Variants in GPX3 observed in about 807,000 individuals in gnomAD.
GPX3 encodes the protein glutathione peroxidase 3, also known as GPx-3.
Under a neutral mutation model 25.1 loss-of-function variants are expected in GPX3, and 22 were observed. The observed-to-expected ratio is 0.88, with a 90% CI of 0.63 to 1.25. GPX3 has a LOEUF of 1.25. GPX3 is among the 50% of genes most tolerant of loss of function. GPX3 has a pLI of 0.00. For synonymous variants in GPX3, 110 were observed against 114.5 expected (o/e 0.96, Z 0.25); for missense variants, 278 against 286.6 (o/e 0.97, Z 0.22).
chr5:151,025,429 T>G lies in GPX3; in HGVS notation c.177T>G (p.Tyr59Ter). 1 of 1,613,166 alleles carries G rather than the reference T, an allele frequency of 6.2e-7. No homozygotes were observed. The highest frequency in any genetic ancestry group is 8.5e-7 in the Non-Finnish European group (1 of 1,179,554). ...AGGAGTACATCCCCTTCAAGCAGTATGCTGGCAAATACGTCCTCTTTGTCA... is the reference window on the plus strand; with the variant it reads ...AGGAGTACATCCCCTTCAAGCAGTAGGCTGGCAAATACGTCCTCTTTGTCA... ...DGEEYIPFKQ[Y>*]AGKYVLFVNV... is the part of the protein sequence containing the mutation. The change falls in exon 2 of 5, where the codon TAT becomes TAG. Residue 59 changes from tyrosine to a stop codon, truncating the protein, a stop_gained. Transcript: ENST00000388825. LOFTEE classifies it high-confidence loss of function.
rs921170460 is a variant in GPX3 at position 151,027,592 on chromosome 5, C to G, written c.459+61C>G. The G allele has an allele frequency of 5.5e-6, 6 of 1,082,964 alleles. No homozygotes were observed. In the South Asian group the frequency reaches 6.6e-5, roughly 12 times the overall value. 67.1% of individuals were successfully genotyped at this position (1,082,964 alleles called of 1,614,324 possible). ...AGCCCCTCCTGGCTCCAGCCCACAGCGTCAGGGCCCATGCCACCTCCCCTG... is the reference window on the plus strand; with the variant it reads ...AGCCCCTCCTGGCTCCAGCCCACAGGGTCAGGGCCCATGCCACCTCCCCTG... On this transcript the variant is annotated intron_variant, in intron 4 of 4. Transcript: ENST00000388825.
At position 151,020,729 on chromosome 5, in the gene GPX3, A is replaced by G; in HGVS notation, c.75A>G (p.Gln25=). 1 of 1,611,730 alleles carries G rather than the reference A, an allele frequency of 6.2e-7. No individual in the cohort carries two copies. Among genetic ancestry groups the G allele is most frequent in the Non-Finnish European group, 8.5e-7 (1 of 1,179,352 alleles). ...GCTTCGTCTCGCAGAGCCGGGGACA[A>G]GAGAAGTCGAAGGTGAGTGAGCCTC... ...LAGFVSQSRG[Q]EKSKMDCHGG... is the part of the protein sequence containing the mutation. Residue 25 remains glutamine (Q), a synonymous_variant, in exon 1 of 5, where the codon CAA becomes CAG. Transcript: ENST00000388825.
rs141323338 is a variant in GPX3, at chr5:151,026,045, C to T, written c.241+552C>T. ...ACACATGGGAAACCAAGACTCAGAG[C>T]GAAGATACAACTTAAACAGGGTCAC... is the stretch of plus-strand genomic sequence containing the variant. On this transcript the variant is annotated intron_variant, in intron 2 of 4. Coordinates refer to ENST00000388825, the MANE Select transcript of GPX3 (RefSeq NM_002084.5). 4.3e-4 allele frequency among the ~76,000 whole-genome samples: 65 copies of T among 152,290 alleles called. No individual in the cohort carries two copies. The East Asian group carries it at 8.5e-3, about 20-fold the overall frequency.
chr5:151,026,971 G>A lies in GPX3; in HGVS notation c.313G>A (p.Gly105Arg), dbSNP rs765841620. ...TCTGGGCTTTCCCTGCAACCAATTT[G>A]GAAAACAGGAACCAGGAGAGAACTC... is the stretch of plus-strand genomic sequence containing the variant. ...VILGFPCNQF[G>R]KQEPGENSEI... Residue 105 changes from glycine (G) to arginine (R), a missense_variant, in exon 3 of 5, where the codon GGA becomes AGA. Physicochemically the swap from Gly to Arg is moderately radical, Grantham distance 125 (BLOSUM62 -2). Transcript: ENST00000388825. 14 of 1,613,882 alleles carry A rather than the reference G, an allele frequency of 8.7e-6. No homozygotes were observed. The highest frequency in any genetic ancestry group is 1.0e-5 in the Non-Finnish European group (12 of 1,179,910).
Position 151,028,749 on chromosome 5 carries a change from T to C in GPX3, c.*619T>C, listed in dbSNP as rs1247873142. The C allele has an allele frequency of 6.5e-6, 1 of 153,304 alleles. No individual in the cohort carries two copies. The highest frequency in any genetic ancestry group is 2.4e-5 in the African/African-American group (1 of 41,316). 9.5% of individuals were successfully genotyped at this position (153,304 alleles called of 1,614,324 possible). The stretch of plus-strand genomic sequence containing the variant: ...CCTCCCTGAGATCAACCAAGGCAGA[T>C]GTGACAGCAAGGGCCACGGACCCCA... On this transcript the variant is annotated 3_prime_UTR_variant, in exon 5 of 5. Transcript: ENST00000388825.
At chr5:151,025,690 TAGG>T (rs764120467) in intron 2 of GPX3, among the ~76,000 whole-genome samples, 197 bp downstream of exon 2, 2 of 152,244 alleles carry the variant, frequency 1.3e-5, no homozygotes, top group Non-Finnish European at 2.9e-5. Context: ...GGACATGTTC[TAGG>T]AGATTCCTAG....
At position 151,027,899 on chromosome 5, in the gene GPX3, C is replaced by T; in HGVS notation, c.460-10C>T. 1 of 1,611,820 alleles carries T rather than the reference C, an allele frequency of 6.2e-7. No individual in the cohort carries two copies. Among genetic ancestry groups the T allele is most frequent in the South Asian group, 1.1e-5 (1 of 91,018 alleles). ...AAGCAAGGTTGACACTCCTCTTATCCCTGCTCTAGAACTCCTGTCCTCCCA... is the reference window on the plus strand; with the variant it reads ...AAGCAAGGTTGACACTCCTCTTATCTCTGCTCTAGAACTCCTGTCCTCCCA... On this transcript the variant is annotated splice_polypyrimidine_tract_variant and intron_variant, in intron 4 of 4. Transcript: ENST00000388825.
Position 151,028,236 on chromosome 5 carries a change from A to G in GPX3, c.*106A>G. 1 of 1,003,030 alleles carries G rather than the reference A, an allele frequency of 1.0e-6. No individual in the cohort carries two copies. The highest frequency in any genetic ancestry group is 1.5e-6 in the Non-Finnish European group (1 of 662,532). 62.1% of individuals were successfully genotyped at this position (1,003,030 alleles called of 1,614,324 possible). Reference sequence around the variant, plus strand: ...TCTACCCATCACAGACCCCTTTCCTATCACTCAAGGCCCCAGCCTGGCACA... The same window carrying G: ...TCTACCCATCACAGACCCCTTTCCTGTCACTCAAGGCCCCAGCCTGGCACA... On this transcript the variant is annotated 3_prime_UTR_variant, in exon 5 of 5. Transcript: ENST00000388825.
rs1481645847 is a variant in GPX3 at position 151,020,692 on chromosome 5, T to C, written c.38T>C (p.Leu13Pro). 2.5e-6 allele frequency: 4 copies of C among 1,611,808 alleles called. 1 individual carries two copies. In the Admixed American group the frequency reaches 5.0e-5, roughly 20 times the overall value. ...RLLQASCLLS[L>P]LLAGFVSQSR... The stretch of plus-strand genomic sequence containing the variant: ...CTGCAGGCGTCCTGCCTGCTTTCCC[T>C]GCTCCTGGCCGGCTTCGTCTCGCAG... Residue 13 changes from leucine to proline, a missense_variant, in exon 1 of 5, where the codon CTG becomes CCG. Physicochemically the swap from Leu to Pro is moderately conservative, Grantham distance 98. Transcript: ENST00000388825.
intron 1 of GPX3, chr5:151,020,963 C>T (rs1375343205): frequency 3.2e-6 from 2 of 615,532 alleles, no homozygotes; most frequent in South Asian, 3.5e-5. Context: ...AGACCTGGTG[C>T]TTCAGGCGGG....
At position 151,020,598 on chromosome 5, in the gene GPX3, C is replaced by CG. The variant is rs1335526753; in HGVS notation, c.-55dup. The CG allele has an allele frequency of 1.4e-6, 2 of 1,455,530 alleles. No homozygotes were observed. Among genetic ancestry groups the CG allele is most frequent in the African/African-American group, 2.8e-5 (2 of 71,456 alleles). 90.2% of individuals were successfully genotyped at this position (1,455,530 alleles called of 1,614,324 possible). A position where few individuals can be genotyped will look rare whatever the true frequency, so the allele number is the denominator to read the frequency against. ...GGGAGCGCCGGACACCTCAGACGGA[C>CG]GGTGGCCAGGGATCAGGCAGCGGCT... On this transcript the variant is annotated 5_prime_UTR_variant, in exon 1 of 5. Transcript: ENST00000388825.
chr5:151,023,123 G>C (rs1175839621), intron 1 of GPX3, among the ~76,000 whole-genome samples: 1 of 152,184 alleles, frequency 6.6e-6, no homozygotes, highest in East Asian at 1.9e-4. Flanking sequence ...TTGCCCGGCT[G>C]TGGGAGGATT....
rs1756606826 is a variant in GPX3, at chr5:151,028,604, A to G, written c.*474A>G. The G allele has an allele frequency of 6.0e-6, 1 of 167,570 alleles. No homozygotes were observed. The highest frequency in any genetic ancestry group is 2.4e-5 in the African/African-American group (1 of 41,700). The allele number at this position is 167,570 out of a possible 1,614,324, so 10.4% of individuals were successfully genotyped here. A position where few individuals can be genotyped will look rare whatever the true frequency, so the allele number is the denominator to read the frequency against. The stretch of plus-strand genomic sequence containing the variant: ...CCACTGCCTCCAAATATTAGTAACT[A>G]TGACTGACGTCCCCAGAAGTTTCTG... On this transcript the variant is annotated 3_prime_UTR_variant, in exon 5 of 5. Coordinates refer to ENST00000388825, the MANE Select transcript of GPX3 (RefSeq NM_002084.5).
chr5:151,025,714 T>G (rs1756538175), intron 2 of GPX3, among the ~76,000 whole-genome samples: 2 of 152,218 alleles, frequency 1.3e-5, no homozygotes, highest in Admixed American at 1.3e-4. Context: ...TTATCCTTCT[T>G]CATCTCTGGG....
rs1756598157 is a variant in GPX3 at position 151,028,419 on chromosome 5, T to C, written c.*289T>C. On this transcript the variant is annotated 3_prime_UTR_variant, in exon 5 of 5. Coordinates refer to ENST00000388825, the MANE Select transcript of GPX3 (RefSeq NM_002084.5). Reference sequence around the variant, plus strand: ...TCTTTCTGGGAATGTGTACCATCTGTGTGCCTGCAGCTGTGTAGTGCTGGA... The same window carrying C: ...TCTTTCTGGGAATGTGTACCATCTGCGTGCCTGCAGCTGTGTAGTGCTGGA... 2.3e-6 allele frequency: 1 copy of C among 439,608 alleles called. No homozygotes were observed. The highest frequency in any genetic ancestry group is 4.3e-6 in the Non-Finnish European group (1 of 234,192). The allele number at this position is 439,608 out of a possible 1,614,324, so 27.2% of individuals were successfully genotyped here. A position where few individuals can be genotyped will look rare whatever the true frequency, so the allele number is the denominator to read the frequency against.
chr5:151,026,772 C>T (rs985444254), intron 2 of GPX3, 128 bp from the exon 3 acceptor site: 16 of 682,392 alleles, frequency 2.3e-5, no homozygotes, highest in East Asian at 1.0e-4. Context: ...GGTGATCCTG[C>T]GCAAGTCCCT....
chr5:151,021,214 A>G, intron 1 of GPX3: 1 of 223,480 alleles, frequency 4.5e-6, no homozygotes, highest in South Asian at 4.9e-5. Flanking sequence ...GGTCCTGAAG[A>G]ACTGCTGTGG....
Position 151,025,455 on chromosome 5 carries a change from A to G in GPX3, c.203A>G (p.Asn68Ser), listed in dbSNP as rs373981887. ...GCTGGCAAATACGTCCTCTTTGTCA[A>G]CGTGGCCAGCTACTGAGGCCTGACG... ...QYAGKYVLFV[N>S]VASYUGLTGQ... Residue 68 changes from asparagine to serine, a missense_variant, in exon 2 of 5, where the codon AAC (asparagine) becomes AGC (serine). Asn to Ser is a conservative substitution (Grantham distance 46). Coordinates refer to ENST00000388825, the MANE Select transcript of GPX3 (RefSeq NM_002084.5). The G allele has an allele frequency of 1.1e-4, 183 of 1,612,304 alleles. No homozygotes were observed. Among genetic ancestry groups the G allele is most frequent in the Non-Finnish European group, 1.5e-4 (177 of 1,179,266 alleles).
chr5:151,022,853 G>A (rs1561787364), intron 1 of GPX3, among the ~76,000 whole-genome samples: 1 of 152,142 alleles, frequency 6.6e-6, no homozygotes, highest in Admixed American at 6.5e-5. Context: ...CAGAGTTAAA[G>A]GGCCCTTAAG....
Sources: gnomAD v4.1 joint callset for allele counts (sites outside exome capture counted in the v4.1 genomes callset) on GRCh38, gnomAD v4.1.1 for gene constraint, MANE v1.5 for transcripts, NCBI Gene and HGNC (gene_info 2026-07-23, HGNC 2026-07-21) for gene names.